Variants in SAMD5 observed in about 807,000 individuals in gnomAD.
SAMD5 encodes sterile alpha motif domain-containing protein 5.
A neutral mutation model predicts 11.3 loss-of-function variants in SAMD5; 13 were observed. That is an observed-to-expected ratio of 1.15 (90% CI 0.75 to 1.83). SAMD5 has a LOEUF of 1.83. SAMD5 is among the 40% of genes most tolerant of loss of function. SAMD5 has a pLI of 0.00. For missense variants in SAMD5, 255 were observed against 239.1 expected, an observed-to-expected ratio of 1.07 and a Z score of -0.44; for synonymous variants, 129 against 111.3, an observed-to-expected ratio of 1.16 and a Z score of -1.00.
intron 1 of SAMD5, among the ~76,000 whole-genome samples, chr6:147,687,049 G>A (rs1033215687): frequency 1.6e-4 from 24 of 151,870 alleles, no homozygotes; most frequent in Non-Finnish European, 3.1e-4. Context: ...GAATTTTTAT[G>A]GGTTTATATT....
At chr6:147,897,649 T>C in the SAMD5 span, among the ~76,000 whole-genome samples, 1 of 152,038 alleles carries the variant, frequency 6.6e-6, no homozygotes, top group East Asian at 1.9e-4. Flanking sequence ...ATTTGGATTA[T>C]AAAAACGTAG....
chr6:147,897,042 G>A, the SAMD5 span, among the ~76,000 whole-genome samples: 1 of 152,146 alleles, frequency 6.6e-6, no homozygotes, highest in Non-Finnish European at 1.5e-5. Context: ...TAATGGGAAT[G>A]AGGTTTCTTT....
chr6:147,658,689 G>A (rs1045349916), intron 1 of SAMD5, among the ~76,000 whole-genome samples: 13 of 151,776 alleles, frequency 8.6e-5, no homozygotes, highest in Admixed American at 6.6e-4. Context: ...AAGTCAGAAC[G>A]TGGGTGGAAG....
At chr6:147,740,345 A>G (rs541354479), downstream of SAMD5, among the ~76,000 whole-genome samples, 3 of 152,310 alleles carry the variant, frequency 2.0e-5, no homozygotes, top group South Asian at 2.1e-4. Flanking sequence ...AAAGATTCCT[A>G]TGTGATATAA....
chr6:147,816,193 T>C, the SAMD5 span, among the ~76,000 whole-genome samples: 1 of 146,568 alleles, frequency 6.8e-6, no homozygotes, highest in African/African-American at 2.5e-5. Context: ...GGCAGGATAA[T>C]CGCTTGAACC....
chr6:147,637,503 G>A lies in SAMD5; in HGVS notation c.163-99814G>A, dbSNP rs1008015355. Among the ~76,000 whole-genome samples the A allele has an allele frequency of 2.0e-5, 3 of 152,226 alleles. No individual in the cohort carries two copies. The South Asian group carries it at 6.2e-4, about 32-fold the overall frequency. ...CTCTAATGTGCTTATTTGATGGGAG[G>A]GATGAAGGGCTATAAGGCTATTGCC... On this transcript the variant is annotated intron_variant, in intron 1 of 1. Transcript: ENST00000566741.
intron 1 of SAMD5, among the ~76,000 whole-genome samples, chr6:147,665,018 T>C (rs923635958): frequency 6.6e-6 from 1 of 152,124 alleles, no homozygotes; most frequent in Admixed American, 6.5e-5. Flanking sequence ...TGGGGAATCA[T>C]TCAACCTTGT....
the SAMD5 span, among the ~76,000 whole-genome samples, chr6:147,771,956 A>G: frequency 6.6e-6 from 1 of 152,212 alleles, no homozygotes; most frequent in Non-Finnish European, 1.5e-5. Context: ...ATAAACATTT[A>G]CTGAAAGAAA....
the SAMD5 span, among the ~76,000 whole-genome samples, chr6:147,760,233 G>A: frequency 6.6e-6 from 1 of 152,102 alleles, no homozygotes; most frequent in Non-Finnish European, 1.5e-5. Flanking sequence ...TAAATGACAG[G>A]TCTCCCTTCT....
At chr6:147,878,267 T>C in the SAMD5 span, among the ~76,000 whole-genome samples, 12 of 152,114 alleles carry the variant, frequency 7.9e-5, no homozygotes, top group African/African-American at 2.9e-4. Flanking sequence ...AGCCATATTT[T>C]CACTGCTGTT....
chr6:147,778,909 A>C, the SAMD5 span, among the ~76,000 whole-genome samples: 1 of 152,130 alleles, frequency 6.6e-6, no homozygotes, highest in Non-Finnish European at 1.5e-5. Flanking sequence ...TCTGCCCCTG[A>C]GGAAGCAATG....
chr6:147,752,509 T>G, the SAMD5 span, among the ~76,000 whole-genome samples: 4 of 152,300 alleles, frequency 2.6e-5, no homozygotes, highest in East Asian at 1.9e-4. Flanking sequence ...CACAAACCCT[T>G]TTCTGGTATT....
intron 1 of SAMD5, among the ~76,000 whole-genome samples, chr6:147,616,085 T>A (rs1179936332): frequency 4.6e-5 from 7 of 151,550 alleles, no homozygotes; most frequent in Non-Finnish European, 1.0e-4. Flanking sequence ...ACTTGTGCAG[T>A]CCCTGTGAGG....
chr6:147,607,107 A>T (rs977198062), intron 1 of SAMD5, among the ~76,000 whole-genome samples: 1 of 152,164 alleles, frequency 6.6e-6, no homozygotes, highest in Admixed American at 6.6e-5. Flanking sequence ...GATGAGCCTT[A>T]AAAAAATTCT....
chr6:147,681,508 G>A (rs921619178), intron 1 of SAMD5, among the ~76,000 whole-genome samples: 7 of 151,852 alleles, frequency 4.6e-5, no homozygotes, highest in Admixed American at 2.6e-4. Flanking sequence ...TTCTATAATT[G>A]GCATCATTTC....
chr6:147,622,027 A>G (rs1017106271), intron 1 of SAMD5, among the ~76,000 whole-genome samples: 13 of 152,318 alleles, frequency 8.5e-5, no homozygotes, highest in African/African-American at 3.1e-4. Context: ...AAGAGAGAAG[A>G]TGAAGAGTTT....
At chr6:147,855,844 C>T in the SAMD5 span, among the ~76,000 whole-genome samples, 1 of 152,152 alleles carries the variant, frequency 6.6e-6, no homozygotes, top group East Asian at 1.9e-4. Flanking sequence ...TGCAATACCA[C>T]CACTTTGGAA....
At chr6:147,688,471 G>T (rs562404900) in intron 1 of SAMD5, among the ~76,000 whole-genome samples, 1 of 152,146 alleles carries the variant, frequency 6.6e-6, no homozygotes, top group South Asian at 2.1e-4. Flanking sequence ...ATACAAAGAG[G>T]GATTGAGTTG....
At chr6:147,878,165 A>G in the SAMD5 span, among the ~76,000 whole-genome samples, 1 of 152,008 alleles carries the variant, frequency 6.6e-6, no homozygotes, top group Non-Finnish European at 1.5e-5. Flanking sequence ...TTGAAAAACA[A>G]ACATTTTCAC....
Sources: gnomAD v4.1 joint callset for allele counts (sites outside exome capture counted in the v4.1 genomes callset) on GRCh38, gnomAD v4.1.1 for gene constraint, MANE v1.5 for transcripts, NCBI Gene and HGNC (gene_info 2026-07-23, HGNC 2026-07-21) for gene names.